MTCL1: variants seen among roughly 807,000 people sequenced by gnomAD.
MTCL1 encodes microtubule crosslinking factor 1.
Under a neutral mutation model 141.4 loss-of-function variants are expected in MTCL1, and 79 were observed. That is an observed-to-expected ratio of 0.56 (90% confidence interval 0.47 to 0.67). MTCL1 has a LOEUF of 0.67. Among genes scored for constraint, MTCL1 ranks in the 30% least tolerant of loss-of-function variants. The pLI, the probability that MTCL1 is intolerant of heterozygous loss-of-function variation, is 0.00. For synonymous variants in MTCL1, 914 were observed against 875.8 expected, an observed-to-expected ratio of 1.04 and a Z score of -0.77; for missense variants, 2,177 against 2,113.9, an observed-to-expected ratio of 1.03 and a Z score of -0.59.
Position 8,710,461 on chromosome 18 carries a change from T to C in MTCL1, c.1053+3748T>C, listed in dbSNP as rs868825655. Among the ~76,000 whole-genome samples, 680 of 91,356 alleles carry C rather than the reference T, an allele frequency of 7.4e-3. 6 individuals carry two copies. Among genetic ancestry groups the C allele is most frequent in the Middle Eastern group, 0.029 (6 of 206 alleles). The allele number at this position is 91,356 out of a possible 152,430, so 59.9% of individuals were successfully genotyped here. A position where few individuals can be genotyped will look rare whatever the true frequency, so the allele number is the denominator to read the frequency against. On this transcript the variant is annotated intron_variant, in intron 1 of 13. Coordinates refer to the MTCL1 transcript ENST00000306329. ...CTCATAAAACCCAGGCACTTTCTTT[T>C]TTTTTTTTTTTTTTTTTCTCTTTAA... is the stretch of plus-strand genomic sequence containing the variant.
intron 2 of MTCL1, chr18:8,717,977 C>A: frequency 9.9e-7 from 1 of 1,009,048 alleles, no homozygotes; most frequent in Non-Finnish European, 1.2e-6. Flanking sequence ...GTTTTAGTTC[C>A]AGGGCAATTA....
At chr18:8,809,612 G>A in intron 11 of MTCL1, 1 of 1,534,140 alleles carries the variant, frequency 6.5e-7, no homozygotes, top group Non-Finnish European at 8.7e-7. Context: ...AAGGAGTGGA[G>A]GGCACACACC....
intron 4 of MTCL1, among the ~76,000 whole-genome samples, chr18:8,765,962 C>T (rs1260166784): frequency 6.6e-6 from 1 of 152,158 alleles, no homozygotes; most frequent in Admixed American, 6.5e-5. Context: ...TCTAGACAGC[C>T]CCAGGAGGAG....
At chr18:8,758,595 G>C (rs2096414521) in intron 4 of MTCL1, among the ~76,000 whole-genome samples, 1 of 152,206 alleles carries the variant, frequency 6.6e-6, no homozygotes, top group South Asian at 2.1e-4. Context: ...GTAGGCTCCA[G>C]AACTTGATAA....
chr18:8,831,993 C>T (rs2077205729), exon 17 of MTCL1: 1 of 685,424 alleles, frequency 1.5e-6, no homozygotes, highest in Non-Finnish European at 2.4e-6. Flanking sequence ...AGTAAATGTG[C>T]CTGTAATAAC....
intron 4 of MTCL1, among the ~76,000 whole-genome samples, chr18:8,768,768 G>A (rs2096470993): frequency 6.6e-6 from 1 of 151,356 alleles, no homozygotes; most frequent in Admixed American, 6.6e-5. Flanking sequence ...TGGCAGAGGT[G>A]GGAACAGATT....
In MTCL1 at chr18:8,784,828, G is replaced by A. The variant is rs1568030652; in HGVS notation, c.1716G>A (p.Leu572=). The A allele has an allele frequency of 4.4e-6, 7 of 1,599,136 alleles. No individual in the cohort carries two copies. The Admixed American group carries it at 1.2e-4, about 27-fold the overall frequency. The change falls in exon 6 of 17, where the codon CTG becomes CTA. Residue 572 remains leucine, a synonymous_variant. Coordinates refer to ENST00000359865, the Ensembl canonical transcript of MTCL1. Reference sequence around the variant, plus strand: ...CCATCGGGAACCTGGGGAAGGAGCTGGGCCCAGACTTGCAGGTAAGGGGGC... The same window carrying A: ...CCATCGGGAACCTGGGGAAGGAGCTAGGCCCAGACTTGCAGGTAAGGGGGC...
intron 1 of MTCL1, among the ~76,000 whole-genome samples, chr18:8,708,027 T>A (rs967347083): frequency 6.6e-6 from 1 of 152,236 alleles, no homozygotes; most frequent in Non-Finnish European, 1.5e-5. Flanking sequence ...ATAGTATGTT[T>A]GTTTTTGTCA....
At chr18:8,782,114 G>A (rs974995936) in intron 5 of MTCL1, 9 of 152,222 alleles carry the variant, frequency 5.9e-5, no homozygotes, top group African/African-American at 1.9e-4. Context: ...ACCAGACTGC[G>A]GCAGAGAACG....
intron 11 of MTCL1, chr18:8,809,330 A>C: frequency 7.9e-7 from 1 of 1,271,982 alleles, no homozygotes; most frequent in Admixed American, 2.5e-5. Context: ...AAAATTTAGC[A>C]TGTCCTCCGG....
intron 4 of MTCL1, among the ~76,000 whole-genome samples, chr18:8,749,423 G>A (rs1444473573): frequency 1.3e-5 from 2 of 152,200 alleles, no homozygotes; most frequent in Non-Finnish European, 2.9e-5. Flanking sequence ...TAGGGTCCTG[G>A]CTCAGGGTGT....
intron 4 of MTCL1, among the ~76,000 whole-genome samples, chr18:8,772,154 G>A (rs2096487465): frequency 6.6e-6 from 1 of 152,234 alleles, no homozygotes; most frequent in Non-Finnish European, 1.5e-5. Context: ...TTGGCCAGGG[G>A]ACCATATGCC....
exon 17 of MTCL1, chr18:8,831,771 G>T (rs2077200322): frequency 6.5e-7 from 1 of 1,550,260 alleles, no homozygotes. Flanking sequence ...ATGGTGGCGA[G>T]GAGCCGCCCG....
chr18:8,809,506 T>A (rs1274427003), intron 11 of MTCL1: 1 of 1,536,184 alleles, frequency 6.5e-7, no homozygotes, highest in East Asian at 2.4e-5. Flanking sequence ...TTCACCAGGC[T>A]GCCAGCTGGG....
intron 5 of MTCL1, among the ~76,000 whole-genome samples, chr18:8,783,270 C>T (rs1315217489): frequency 7.0e-6 from 1 of 143,514 alleles, no homozygotes. Context: ...TTTTTTTTTT[C>T]CAAACTAATT....
intron 5 of MTCL1, among the ~76,000 whole-genome samples, chr18:8,781,233 C>T (rs2096531744): frequency 2.1e-5 from 3 of 145,556 alleles, no homozygotes; most frequent in South Asian, 4.5e-4. Context: ...AACGAGCATG[C>T]TTTTCCTCTA....
intron 11 of MTCL1, among the ~76,000 whole-genome samples, 200 bp downstream of exon 10, chr18:8,807,260 C>T (rs1421112903): frequency 1.3e-5 from 2 of 152,114 alleles, no homozygotes; most frequent in Non-Finnish European, 2.9e-5. Context: ...GTATGCAGTA[C>T]GGCCCCCACC....
chr18:8,754,879 G>C (rs1156593312), intron 4 of MTCL1, among the ~76,000 whole-genome samples: 1 of 152,156 alleles, frequency 6.6e-6, no homozygotes, highest in Admixed American at 6.5e-5. Flanking sequence ...TAGCTTGCAG[G>C]TGGAGTACAC....
exon 1 of MTCL1, chr18:8,706,319 T>C: frequency 8.1e-7 from 1 of 1,229,514 alleles, no homozygotes; most frequent in Non-Finnish European, 1.0e-6. Context: ...TCCGAACCCC[T>C]GTCCGACGAG....
Sources: gnomAD v4.1 joint callset for allele counts (sites outside exome capture counted in the v4.1 genomes callset) on GRCh38, gnomAD v4.1.1 for gene constraint, MANE v1.5 for transcripts, NCBI Gene and HGNC (gene_info 2026-07-23, HGNC 2026-07-21) for gene names.